TPRG1: variants seen among roughly 807,000 people sequenced by gnomAD.
TPRG1 encodes tumor protein p63 regulated 1.
TPRG1 carries 29 observed loss-of-function variants against 29.3 expected under a neutral mutation model. The ratio of observed to expected loss-of-function variants is 0.99; its 90% CI spans 0.74 to 1.35. The LOEUF is 1.35. Among genes scored for constraint, TPRG1 ranks in the 40% most tolerant of loss-of-function variants. The pLI, the probability that TPRG1 is intolerant of heterozygous loss-of-function variation, is 0.00. For synonymous variants in TPRG1, 130 were observed against 116.8 expected (o/e 1.11, Z -0.73); for missense variants, 327 against 335.0 (o/e 0.98, Z 0.19).
At chr3:189,043,633 C>T (rs146907512) in intron 4 of TPRG1, among the ~76,000 whole-genome samples, 1 of 152,316 alleles carries the variant, frequency 6.6e-6, no homozygotes, top group African/African-American at 2.4e-5. Context: ...CAACTCCCTT[C>T]AGAGACTGGC....
In TPRG1 at chr3:189,081,287, G is replaced by C. The variant is rs75626779; in HGVS notation, c.-462-45770G>C. On this transcript the variant is annotated intron_variant, in intron 4 of 10. Transcript: ENST00000433971. ...TGCGTGGGGAGAGGGATTGTTGAGA[G>C]AACCAAGGACTAACCTTGGGTAATG... Among the ~76,000 whole-genome samples the C allele has an allele frequency of 1.1e-4, 16 of 152,230 alleles. No homozygotes were observed. The East Asian group carries it at 2.7e-3, about 26-fold the overall frequency.
At chr3:189,153,047 C>A (rs1215396429) in intron 5 of TPRG1, among the ~76,000 whole-genome samples, 3 of 152,186 alleles carry the variant, frequency 2.0e-5, no homozygotes, top group Non-Finnish European at 4.4e-5. Context: ...GACAAAGAGA[C>A]CTGAAATAAA....
chr3:189,060,227 C>G (rs140077921), intron 4 of TPRG1, among the ~76,000 whole-genome samples: 1 of 152,012 alleles, frequency 6.6e-6, no homozygotes, highest in Non-Finnish European at 1.5e-5. Context: ...AGCGAAAATC[C>G]GTCTCAAAAA....
chr3:189,070,658 AACAAT>A (rs1461321039), intron 4 of TPRG1, among the ~76,000 whole-genome samples: 1 of 152,242 alleles, frequency 6.6e-6, no homozygotes, highest in Non-Finnish European at 1.5e-5. Context: ...AGAGAAAGAG[AACAAT>A]ACGACAGTTT....
upstream of TPRG1, among the ~76,000 whole-genome samples, chr3:189,171,791 T>C (rs927952403): frequency 6.6e-6 from 1 of 151,920 alleles, no homozygotes; most frequent in Non-Finnish European, 1.5e-5. Flanking sequence ...TTAGAGGGAG[T>C]TGGCAGAAAA....
At chr3:189,078,433 G>A (rs1281735447) in intron 4 of TPRG1, among the ~76,000 whole-genome samples, 2 of 151,836 alleles carry the variant, frequency 1.3e-5, no homozygotes, top group Non-Finnish European at 2.9e-5. Flanking sequence ...TACTGTGCCT[G>A]GCCAAAAACC....
intron 1 of TPRG1, among the ~76,000 whole-genome samples, chr3:189,184,304 T>A (rs1730626943): frequency 6.6e-6 from 1 of 152,210 alleles, no homozygotes; most frequent in Non-Finnish European, 1.5e-5. Context: ...GATAAAACCA[T>A]GTGCATAGCA....
intron 1 of TPRG1, among the ~76,000 whole-genome samples, chr3:189,173,348 T>TC (rs1729069152): frequency 6.7e-6 from 1 of 149,272 alleles, no homozygotes; most frequent in South Asian, 2.1e-4. Context: ...TCTTCTTTTT[T>TC]TTTTTTTTTG....
chr3:189,048,825 T>A (rs1715128875), intron 4 of TPRG1, among the ~76,000 whole-genome samples: 1 of 152,196 alleles, frequency 6.6e-6, no homozygotes. Flanking sequence ...GTGCCCCAAC[T>A]GCAGAAGAGC....
intron 1 of TPRG1, among the ~76,000 whole-genome samples, chr3:189,116,259 C>T (rs998913178): frequency 4.6e-5 from 7 of 152,138 alleles, no homozygotes; most frequent in Non-Finnish European, 7.4e-5. Flanking sequence ...CCTACTGCAA[C>T]TTCCGCCTCT....
chr3:189,118,536 G>T (rs111431078), intron 1 of TPRG1, among the ~76,000 whole-genome samples: 3,841 of 152,226 alleles, frequency 0.025, 160 homozygotes, highest in African/African-American at 0.088. Context: ...AGCCCCACCT[G>T]TCACAGGCCT....
chr3:189,238,984 G>T, intron 4 of TPRG1, 75 bp downstream of exon 4: 1 of 1,391,600 alleles, frequency 7.2e-7, no homozygotes, highest in Non-Finnish European at 9.7e-7. Context: ...CGAAAATTCA[G>T]TTTGGCCCTG....
At chr3:189,207,084 T>G in intron 1 of TPRG1, 1 of 727,690 alleles carries the variant, frequency 1.4e-6, no homozygotes, top group Non-Finnish European at 1.7e-6. Flanking sequence ...CTGGTAATTA[T>G]TTTATATAGC....
intron 2 of TPRG1, 70 bp downstream of exon 2, chr3:189,207,664 A>T: frequency 6.9e-7 from 1 of 1,446,326 alleles, no homozygotes; most frequent in Non-Finnish European, 9.6e-7. Flanking sequence ...CCTTCTGTGT[A>T]TCACATATTT....
At chr3:189,143,311 G>A (rs201907680) in intron 3 of TPRG1, among the ~76,000 whole-genome samples, 8 of 152,152 alleles carry the variant, frequency 5.3e-5, no homozygotes, top group East Asian at 3.8e-4. Context: ...GGATTTCTCC[G>A]AATGACATCT....
chr3:189,108,626 A>G (rs564911293), intron 1 of TPRG1, among the ~76,000 whole-genome samples: 2 of 150,858 alleles, frequency 1.3e-5, no homozygotes, highest in African/African-American at 2.4e-5. Flanking sequence ...TTTTTCACTT[A>G]GTTCACACAT....
intron 3 of TPRG1, among the ~76,000 whole-genome samples, chr3:189,230,788 G>A (rs150285966): frequency 4.8e-4 from 73 of 152,218 alleles, no homozygotes; most frequent in African/African-American, 1.7e-3. Context: ...TGGATCAGTA[G>A]GGGGATTACT....
At chr3:189,232,575 A>G (rs918798411) in intron 3 of TPRG1, among the ~76,000 whole-genome samples, 2 of 152,158 alleles carry the variant, frequency 1.3e-5, no homozygotes, top group Non-Finnish European at 2.9e-5. Flanking sequence ...AGGATTGTAT[A>G]TTCCTTAATA....
intron 5 of TPRG1, among the ~76,000 whole-genome samples, chr3:189,315,340 C>T (rs1444600589): frequency 6.8e-6 from 1 of 146,414 alleles, no homozygotes; most frequent in Non-Finnish European, 1.5e-5. Context: ...AAGAGAGAGA[C>T]TGTGTGTACA....
Sources: allele counts gnomAD v4.1 joint callset (sites outside exome capture counted in the v4.1 genomes callset), GRCh38; gene constraint gnomAD v4.1.1; transcripts MANE v1.5; gene names NCBI Gene and HGNC (gene_info 2026-07-23, HGNC 2026-07-21).